LDB2: variants seen among roughly 807,000 people sequenced by gnomAD.
LDB2 encodes the protein LIM domain binding 2.
Under a neutral mutation model 44.3 loss-of-function variants are expected in LDB2, and 12 were observed. That is an observed-to-expected ratio of 0.27 (90% confidence interval 0.17 to 0.44). The LOEUF (loss-of-function observed/expected upper bound fraction) is 0.44, where lower values mean the gene tolerates loss of function less well. Ranked by LOEUF, LDB2 falls within the 20% of genes least tolerant of loss-of-function variation. The probability of loss-of-function intolerance (pLI) is 1.00; values close to 1 mark genes in which losing one functional copy is unlikely to be tolerated. For missense variants in LDB2, 344 were observed against 473.5 expected (o/e 0.73, Z 2.54); for synonymous variants, 164 against 174.8 (o/e 0.94, Z 0.49).
chr4:16,706,909 A>G (rs953609012), intron 2 of LDB2, among the ~76,000 whole-genome samples: 1 of 152,178 alleles, frequency 6.6e-6, no homozygotes, highest in Non-Finnish European at 1.5e-5. Context: ...GTAGTGTACG[A>G]GCATAGCCTT....
chr4:16,871,026 C>G (rs1716418153), intron 1 of LDB2, among the ~76,000 whole-genome samples: 1 of 152,206 alleles, frequency 6.6e-6, no homozygotes, highest in Admixed American at 6.5e-5. Context: ...ATATGTTGCA[C>G]TCAGCAGTGT....
intron 2 of LDB2, among the ~76,000 whole-genome samples, chr4:16,710,053 C>A (rs574978866): frequency 1.3e-5 from 2 of 152,220 alleles, no homozygotes; most frequent in South Asian, 4.2e-4. Flanking sequence ...CATACACTAC[C>A]AAGTTTGCCA....
At chr4:16,643,762 A>T (rs989321958) in intron 2 of LDB2, among the ~76,000 whole-genome samples, 4 of 148,040 alleles carry the variant, frequency 2.7e-5, no homozygotes, top group Non-Finnish European at 6.0e-5. Flanking sequence ...TTGTTTAAAT[A>T]AAAAAAAAAC....
At chr4:16,733,890 A>T (rs1295705388) in intron 2 of LDB2, among the ~76,000 whole-genome samples, 1 of 152,210 alleles carries the variant, frequency 6.6e-6, no homozygotes, top group Non-Finnish European at 1.5e-5. Context: ...GCTTATTTTT[A>T]AAAATATTGT....
intron 1 of LDB2, among the ~76,000 whole-genome samples, chr4:16,829,231 G>T (rs924608211): frequency 2.6e-5 from 4 of 152,160 alleles, no homozygotes; most frequent in Admixed American, 2.6e-4. Flanking sequence ...TCAATCGGTG[G>T]TGAGAACCAC....
intron 1 of LDB2, among the ~76,000 whole-genome samples, chr4:16,805,139 A>G (rs1162525301): frequency 1.3e-5 from 2 of 152,084 alleles, no homozygotes; most frequent in Non-Finnish European, 2.9e-5. Context: ...CTCTTCTTCT[A>G]AAGACACTAA....
At chr4:16,890,076 G>C (rs186224152) in intron 1 of LDB2, among the ~76,000 whole-genome samples, 2 of 152,280 alleles carry the variant, frequency 1.3e-5, no homozygotes, top group African/African-American at 4.8e-5. Flanking sequence ...CATATATTCG[G>C]TGTTCCCTGA....
chr4:16,647,373 T>C (rs1354462703), intron 2 of LDB2, among the ~76,000 whole-genome samples: 1 of 152,188 alleles, frequency 6.6e-6, no homozygotes, highest in Non-Finnish European at 1.5e-5. Context: ...TACAGCTCAA[T>C]GAATATAGCA....
chr4:16,521,697 T>G (rs897892530), intron 5 of LDB2, among the ~76,000 whole-genome samples: 1 of 152,226 alleles, frequency 6.6e-6, no homozygotes, highest in African/African-American at 2.4e-5. Context: ...ACCCTACACC[T>G]TCTGCCTTTG....
chr4:16,634,303 A>C (rs550864636), intron 2 of LDB2, among the ~76,000 whole-genome samples: 1 of 151,798 alleles, frequency 6.6e-6, no homozygotes, highest in African/African-American at 2.4e-5. Context: ...GGCCAAAAAA[A>C]AAAAAAAAAA....
chr4:16,509,622 G>A (rs1427370711), intron 6 of LDB2, among the ~76,000 whole-genome samples: 1 of 152,054 alleles, frequency 6.6e-6, no homozygotes, highest in Non-Finnish European at 1.5e-5. Flanking sequence ...AATCCTATTA[G>A]TTAGGAACTA....
At chr4:16,558,076 C>G (rs948757002) in intron 5 of LDB2, among the ~76,000 whole-genome samples, 2 of 152,244 alleles carry the variant, frequency 1.3e-5, no homozygotes, top group African/African-American at 4.8e-5. Flanking sequence ...ACATCACCAT[C>G]ATCAAAGACC....
intron 1 of LDB2, among the ~76,000 whole-genome samples, chr4:16,821,387 A>ATTT (rs140227606): frequency 1.6e-4 from 21 of 130,752 alleles, no homozygotes; most frequent in African/African-American, 4.6e-4. Flanking sequence ...TTTTTTTTTT[A>ATTT]TTTTTTTTTT....
intron 1 of LDB2, among the ~76,000 whole-genome samples, chr4:16,840,471 C>T (rs974125501): frequency 2.0e-5 from 3 of 152,124 alleles, no homozygotes; most frequent in Non-Finnish European, 4.4e-5. Context: ...GGAAAACTCA[C>T]AGAAAGTCAG....
chr4:16,713,245 C>T (rs1027153178), intron 2 of LDB2, among the ~76,000 whole-genome samples: 4 of 152,186 alleles, frequency 2.6e-5, no homozygotes, highest in Non-Finnish European at 5.9e-5. Flanking sequence ...TGGAAGTATT[C>T]TAAAACCGAA....
chr4:16,732,212 C>G (rs1397953009), intron 2 of LDB2, among the ~76,000 whole-genome samples: 1 of 152,188 alleles, frequency 6.6e-6, no homozygotes, highest in South Asian at 2.1e-4. Flanking sequence ...CTTGCCTTTT[C>G]AAAGGGGCTT....
chr4:16,756,675 G>T (rs1236783326), intron 2 of LDB2, among the ~76,000 whole-genome samples: 2 of 151,918 alleles, frequency 1.3e-5, no homozygotes, highest in African/African-American at 4.8e-5. Flanking sequence ...TACCTATTAT[G>T]TATGAGTTCC....
chr4:16,732,879 G>T (rs1761050767), intron 2 of LDB2, among the ~76,000 whole-genome samples: 1 of 152,128 alleles, frequency 6.6e-6, no homozygotes, highest in Admixed American at 6.5e-5. Context: ...ACCAAATTAT[G>T]CAAATCCACC....
intron 5 of LDB2, among the ~76,000 whole-genome samples, chr4:16,571,061 A>C (rs2152399601): frequency 6.6e-6 from 1 of 152,276 alleles, no homozygotes; most frequent in South Asian, 2.1e-4. Flanking sequence ...TCAGGCCAGA[A>C]GTTGGGGGCA....
Sources: gnomAD v4.1 joint callset for allele counts (sites outside exome capture counted in the v4.1 genomes callset) on GRCh38, gnomAD v4.1.1 for gene constraint, MANE v1.5 for transcripts, NCBI Gene and HGNC (gene_info 2026-07-23, HGNC 2026-07-21) for gene names.